DRC11: variants seen among roughly 807,000 people sequenced by gnomAD.
DRC11 encodes the protein IQ and AAA domain-containing protein 1.
the DRC11 span, among the ~76,000 whole-genome samples, chr2:236,307,301 G>A: frequency 6.6e-6 from 1 of 152,128 alleles, no homozygotes; most frequent in Non-Finnish European, 1.5e-5. The surrounding 1 kb of genome is among the most constrained non-coding windows in gnomAD (Gnocchi z 7.0). Context: ...TGGCTCCTAC[G>A]ACAGCGCCCC....
chr2:236,382,052 C>A, the DRC11 span, among the ~76,000 whole-genome samples: 8 of 152,218 alleles, frequency 5.3e-5, no homozygotes, highest in African/African-American at 1.9e-4. Context: ...TCTAGCCTAG[C>A]CCCCAAAGTC....
chr2:236,362,140 C>T, the DRC11 span, among the ~76,000 whole-genome samples: 1 of 152,132 alleles, frequency 6.6e-6, no homozygotes, highest in African/African-American at 2.4e-5. The surrounding 1 kb of genome is among the most constrained non-coding windows in gnomAD (Gnocchi z 5.7). Flanking sequence ...GGGAGAAATA[C>T]AGAAATGCAT....
At chr2:236,360,495 ATG>A in the DRC11 span, among the ~76,000 whole-genome samples, 2 of 152,212 alleles carry the variant, frequency 1.3e-5, 1 homozygote, top group Admixed American at 1.3e-4. This position sits in a 1 kb window ranked among gnomAD's most constrained non-coding sequence, Gnocchi z 5.8. Context: ...GATGTTTAGA[ATG>A]AACAAATGCA....
chr2:236,456,349 T>TA, the DRC11 span, among the ~76,000 whole-genome samples: 1 of 152,154 alleles, frequency 6.6e-6, no homozygotes, highest in East Asian at 1.9e-4. The surrounding 1 kb of genome is among the most constrained non-coding windows in gnomAD (Gnocchi z 5.4). Flanking sequence ...CCGCAAGTGA[T>TA]AGAGCCGGGA....
the DRC11 span, chr2:236,338,312 A>T: frequency 6.2e-7 from 1 of 1,614,076 alleles, no homozygotes; most frequent in Non-Finnish European, 8.5e-7. Flanking sequence ...CCCCACAATC[A>T]GAATCCGGTC....
At chr2:236,446,613 C>T in the DRC11 span, among the ~76,000 whole-genome samples, 10 of 152,324 alleles carry the variant, frequency 6.6e-5, no homozygotes, top group East Asian at 1.9e-3. This position sits in a 1 kb window ranked among gnomAD's most constrained non-coding sequence, Gnocchi z 6.2. Context: ...CCTTTGGATG[C>T]TTGGACACAC....
chr2:236,315,212 C>T, the DRC11 span, among the ~76,000 whole-genome samples: 1 of 152,170 alleles, frequency 6.6e-6, no homozygotes, highest in African/African-American at 2.4e-5. The surrounding 1 kb of genome is among the most constrained non-coding windows in gnomAD (Gnocchi z 5.1). Context: ...CTGAAAAGCA[C>T]TGGGAAAAGA....
the DRC11 span, chr2:236,441,023 C>T: frequency 7.0e-7 from 1 of 1,419,506 alleles, no homozygotes; most frequent in Non-Finnish European, 9.7e-7. Context: ...CATTTTATTT[C>T]TCAAGCATAT....
the DRC11 span, among the ~76,000 whole-genome samples, chr2:236,346,924 G>T: frequency 6.6e-6 from 1 of 152,144 alleles, no homozygotes; most frequent in South Asian, 2.1e-4. Flanking sequence ...AGGGACATTC[G>T]ACTGGTAAGG....
the DRC11 span, chr2:236,391,937 G>A: frequency 5.7e-5 from 89 of 1,558,036 alleles, 3 homozygotes; most frequent in Non-Finnish European, 6.4e-5. The surrounding 1 kb of genome is among the most constrained non-coding windows in gnomAD (Gnocchi z 4.5). Context: ...GACTGAATCC[G>A]CTCCACCGCA....
At chr2:236,392,803 T>C in the DRC11 span, among the ~76,000 whole-genome samples, 2 of 152,364 alleles carry the variant, frequency 1.3e-5, no homozygotes, top group South Asian at 2.1e-4. This position sits in a 1 kb window ranked among gnomAD's most constrained non-coding sequence, Gnocchi z 5.1. Context: ...CCTTGCCTCC[T>C]ATTACAAAAC....
At chr2:236,326,793 TGTGTGTG>T in the DRC11 span, among the ~76,000 whole-genome samples, 3 of 7,260 alleles carry the variant, frequency 4.1e-4, no homozygotes, top group African/African-American at 4.6e-3. Context: ...TCAGATTTGT[TGTGTGTG>T]TGTGTGTGTG....
At chr2:236,461,404 C>T in the DRC11 span, among the ~76,000 whole-genome samples, 1 of 152,278 alleles carries the variant, frequency 6.6e-6, no homozygotes, top group South Asian at 2.1e-4. This position sits in a 1 kb window ranked among gnomAD's most constrained non-coding sequence, Gnocchi z 4.0. Flanking sequence ...TGAAACAATG[C>T]CTTTCTACCT....
the DRC11 span, among the ~76,000 whole-genome samples, chr2:236,410,401 C>A: frequency 2.6e-5 from 4 of 152,154 alleles, no homozygotes; most frequent in African/African-American, 9.6e-5. Context: ...AAAGAGGATG[C>A]AAACAAATGG....
chr2:236,371,095 T>C, the DRC11 span, among the ~76,000 whole-genome samples: 1 of 152,014 alleles, frequency 6.6e-6, no homozygotes, highest in East Asian at 1.9e-4. This position sits in a 1 kb window ranked among gnomAD's most constrained non-coding sequence, Gnocchi z 5.1. Context: ...GAGACATCCA[T>C]CCGGGCAACC....
the DRC11 span, among the ~76,000 whole-genome samples, chr2:236,478,797 GTTCT>G: frequency 1.4e-5 from 2 of 147,896 alleles, no homozygotes; most frequent in South Asian, 2.1e-4. The surrounding 1 kb of genome is among the most constrained non-coding windows in gnomAD (Gnocchi z 5.9). Flanking sequence ...GCCTTTTTGG[GTTCT>G]TTTTTTTTTA....
At chr2:236,487,487 A>G in the DRC11 span, among the ~76,000 whole-genome samples, 2 of 152,040 alleles carry the variant, frequency 1.3e-5, no homozygotes, top group Admixed American at 6.5e-5. Flanking sequence ...GTTTCCCTGT[A>G]AGTAACCCTA....
At chr2:236,386,598 C>T in the DRC11 span, among the ~76,000 whole-genome samples, 1 of 152,050 alleles carries the variant, frequency 6.6e-6, no homozygotes, top group South Asian at 2.1e-4. Context: ...TTTTGTTGAT[C>T]CTTTCAAAAA....
At chr2:236,411,661 G>A in the DRC11 span, among the ~76,000 whole-genome samples, 1 of 147,418 alleles carries the variant, frequency 6.8e-6, no homozygotes, top group African/African-American at 2.5e-5. Context: ...GTCCAACAAT[G>A]ATAGACTGGA....
Sources: gnomAD v4.1 joint callset for allele counts (sites outside exome capture counted in the v4.1 genomes callset) on GRCh38, gnomAD v4.1.1 for gene constraint, Gnocchi (gnomAD v3.1) non-coding constraint, MANE v1.5 for transcripts, NCBI Gene and HGNC (gene_info 2026-07-23, HGNC 2026-07-21) for gene names.